PTGER3: variants seen among roughly 807,000 people sequenced by gnomAD.
PTGER3 encodes the protein prostaglandin E2 receptor EP3 subtype.
Under a neutral mutation model 34.7 loss-of-function variants are expected in PTGER3, and 22 were observed. The observed-to-expected ratio is 0.63, with a 90% CI of 0.45 to 0.91. The LOEUF (loss-of-function observed/expected upper bound fraction) is 0.91. Ranked by LOEUF, PTGER3 falls within the 40% of genes least tolerant of loss-of-function variation. The pLI, the probability that PTGER3 is intolerant of heterozygous loss-of-function variation, is 0.00. For synonymous variants in PTGER3, 241 were observed against 230.1 expected (o/e 1.05, Z -0.43); for missense variants, 468 against 519.4 (o/e 0.90, Z 0.96).
chr1:71,033,359 G>T (rs917547696), intron 1 of PTGER3, among the ~76,000 whole-genome samples: 1 of 152,140 alleles, frequency 6.6e-6, no homozygotes, highest in African/African-American at 2.4e-5. Flanking sequence ...CTTCTACCTG[G>T]TGTCCCTGTT....
chr1:70,978,465 A>G (rs1653923417), intron 2 of PTGER3, among the ~76,000 whole-genome samples: 1 of 152,166 alleles, frequency 6.6e-6, no homozygotes, highest in Non-Finnish European at 1.5e-5. Flanking sequence ...TTAATAAGGT[A>G]ATAGGAGCAG....
chr1:71,022,432 C>T (rs1658502000), intron 1 of PTGER3, among the ~76,000 whole-genome samples: 1 of 151,882 alleles, frequency 6.6e-6, no homozygotes, highest in African/African-American at 2.4e-5. Context: ...ACATGACATA[C>T]AAAAGAATCC....
chr1:71,018,073 G>A (rs1171229809), intron 1 of PTGER3, among the ~76,000 whole-genome samples: 1 of 151,992 alleles, frequency 6.6e-6, no homozygotes. Flanking sequence ...GCCCCAGGTA[G>A]TTCTTTACAG....
chr1:70,992,568 AC>A (rs1354358430), intron 2 of PTGER3, among the ~76,000 whole-genome samples: 1 of 152,202 alleles, frequency 6.6e-6, no homozygotes, highest in African/African-American at 2.4e-5. Flanking sequence ...TCTTTCAGCT[AC>A]AGGACCCTAT....
rs577034614 is a variant in PTGER3 at position 70,884,169 on chromosome 1, A to G, written c.*24-31310T>C. 5.9e-5 allele frequency: 18 copies of G among 306,712 alleles called. 1 individual carries two copies. The highest frequency in any genetic ancestry group is 4.6e-4 in the South Asian group (18 of 39,048). The allele number at this position is 306,712 out of a possible 1,614,324, so 19.0% of individuals were successfully genotyped here. On this transcript the variant is annotated intron_variant, in intron 4 of 4. Coordinates refer to the PTGER3 transcript ENST00000370931. ...TTACCATCCTAAGTAATTCTGAGAC[A>G]CTTATGTGTAATGCTGTTGTGTGGG...
chr1:70,982,825 A>C (rs1458273413), intron 2 of PTGER3, among the ~76,000 whole-genome samples: 2 of 152,060 alleles, frequency 1.3e-5, no homozygotes, highest in Non-Finnish European at 2.9e-5. Context: ...GGCTCAGTTG[A>C]AGTTCTCGGT....
At chr1:70,897,218 A>T (rs1465255565) in intron 4 of PTGER3, among the ~76,000 whole-genome samples, 1 of 152,194 alleles carries the variant, frequency 6.6e-6, no homozygotes, top group Non-Finnish European at 1.5e-5. Flanking sequence ...TTATCTGATT[A>T]TGCTAGAATG....
In PTGER3 at chr1:71,046,664, A is replaced by C. The variant is rs768522767; in HGVS notation, c.897+17T>G. The C allele has an allele frequency of 2.0e-6, 3 of 1,527,542 alleles. No homozygotes were observed. Among genetic ancestry groups the C allele is most frequent in the African/African-American group, 2.8e-5 (2 of 72,276 alleles). The allele number at this position is 1,527,542 out of a possible 1,614,324, so 94.6% of individuals were successfully genotyped here. ...CGCACACGCATCCTGACTTCCCCCA[A>C]CCCTGGAACTACCTACCAGGAGCGG... On this transcript the variant is annotated intron_variant, in intron 1 of 3. Coordinates refer to ENST00000306666, the MANE Select transcript of PTGER3 (RefSeq NM_198719.2).
intron 2 of PTGER3, among the ~76,000 whole-genome samples, chr1:70,984,294 C>T (rs1475704827): frequency 6.7e-6 from 1 of 149,866 alleles, no homozygotes; most frequent in Admixed American, 6.7e-5. Flanking sequence ...GGCTGAGGCA[C>T]AAGAATCGCT....
intron 1 of PTGER3, among the ~76,000 whole-genome samples, chr1:71,020,563 G>A (rs903618056): frequency 1.1e-4 from 17 of 151,842 alleles, no homozygotes; most frequent in African/African-American, 4.1e-4. Context: ...AAATAGGTGT[G>A]AAACAAAAGT....
intron 4 of PTGER3, among the ~76,000 whole-genome samples, chr1:70,868,955 G>T (rs1413610346): frequency 6.6e-6 from 1 of 152,124 alleles, no homozygotes; most frequent in African/African-American, 2.4e-5. Context: ...GCCGTTCATG[G>T]TTCCCAGAAG....
At position 70,996,639 on chromosome 1, in the gene PTGER3, T is replaced by TTTTTATTTATTTA. The variant is rs774610328; in HGVS notation, c.1077+15665_1077+15666insTAAATAAATAAAA. On this transcript the variant is annotated intron_variant, in intron 2 of 3. Transcript: ENST00000306666. The stretch of plus-strand genomic sequence containing the variant: ...CCATGCCCGGCTAATTTTTTTGTAT[T>TTTTTATTTATTTA]TTTATTTATTTATTTATTTATTTAT... Among the ~76,000 whole-genome samples, 29 of 122,748 alleles carry TTTTTATTTATTTA rather than the reference T, an allele frequency of 2.4e-4. No homozygotes were observed. The East Asian group carries it at 7.0e-3, about 29-fold the overall frequency. The allele number at this position is 122,748 out of a possible 152,430, so 80.5% of individuals were successfully genotyped here.
At chr1:70,943,847 G>GGAGAGAGAGAGAGAGA (rs60989903) in intron 4 of PTGER3, among the ~76,000 whole-genome samples, 2 of 138,246 alleles carry the variant, frequency 1.4e-5, no homozygotes, top group African/African-American at 5.4e-5. Context: ...GGAGAGAGAG[G>GGAGAGAGAGAGAGAGA]GAGAGAGAGA....
intron 2 of PTGER3, among the ~76,000 whole-genome samples, chr1:70,955,672 C>A (rs1056724581): frequency 1.3e-5 from 2 of 151,990 alleles, no homozygotes; most frequent in Non-Finnish European, 2.9e-5. Flanking sequence ...TCCTCTTTCC[C>A]CAGTAGAAAT....
intron 1 of PTGER3, among the ~76,000 whole-genome samples, chr1:71,041,873 G>A (rs1428901946): frequency 6.6e-6 from 1 of 152,112 alleles, no homozygotes; most frequent in African/African-American, 2.4e-5. Flanking sequence ...GCAATGCAAG[G>A]GCAGAACCAA....
intron 2 of PTGER3, 110 bp downstream of exon 2, chr1:71,012,195 T>C (rs1348600207): frequency 6.2e-7 from 1 of 1,600,698 alleles, no homozygotes; most frequent in South Asian, 1.1e-5. Context: ...GCTGTGCACA[T>C]GCAAGTTAAG....
intron 1 of PTGER3, among the ~76,000 whole-genome samples, chr1:71,042,949 C>T (rs1186539376): frequency 6.6e-6 from 1 of 152,158 alleles, no homozygotes; most frequent in Non-Finnish European, 1.5e-5. Context: ...GTTGCTCATA[C>T]CTCACTTTTC....
At chr1:70,852,663 CAT>C (rs1645706842) in exon 5 of PTGER3, 1 of 750,526 alleles carries the variant, frequency 1.3e-6, no homozygotes, top group Non-Finnish European at 2.3e-6. Context: ...AGTACAAAAA[CAT>C]GTATGGAAAC....
chr1:70,877,116 C>T (rs1260876761), intron 4 of PTGER3, among the ~76,000 whole-genome samples: 1 of 152,130 alleles, frequency 6.6e-6, no homozygotes, highest in Non-Finnish European at 1.5e-5. Context: ...TTGTTTGTGT[C>T]TTCTCTGATT....
Sources: allele counts gnomAD v4.1 joint callset (sites outside exome capture counted in the v4.1 genomes callset), GRCh38; gene constraint gnomAD v4.1.1; transcripts MANE v1.5; gene names NCBI Gene and HGNC (gene_info 2026-07-23, HGNC 2026-07-21).